The following STX11 variants were observed in gnomAD, a reference collection of about 807,000 sequenced individuals.
STX11 encodes syntaxin-11.
In STX11, 21 loss-of-function variants were observed where a neutral mutation model predicts 19.9. That is an observed-to-expected ratio of 1.06 (90% CI 0.75 to 1.52). STX11 has a LOEUF of 1.52. Among genes scored for constraint, STX11 ranks in the 40% most tolerant of loss-of-function variants. The probability of loss-of-function intolerance (pLI) is 0.00; values close to 1 mark genes in which losing one functional copy is unlikely to be tolerated. For missense variants in STX11, 438 were observed against 405.9 expected, an observed-to-expected ratio of 1.08 and a Z score of -0.68; for synonymous variants, 193 against 174.4, an observed-to-expected ratio of 1.11 and a Z score of -0.84.
Position 144,159,254 on chromosome 6 carries a change from A to T in STX11, c.-6+8551A>T, listed in dbSNP as rs867270574. ...CACAACAGGTACAGCTCCTGACCCT[A>T]TGAAGCTTATGGGCAAGCAGAGAAG... On this transcript the variant is annotated intron_variant, in intron 1 of 1. Transcript: ENST00000367568. This position sits in a 1 kb window ranked among gnomAD's most constrained non-coding sequence, Gnocchi z 4.3. Among the ~76,000 whole-genome samples the T allele has an allele frequency of 6.6e-6, 1 of 152,216 alleles. No individual in the cohort carries two copies. Among genetic ancestry groups the T allele is most frequent in the African/African-American group, 2.4e-5 (1 of 41,450 alleles).
At chr6:144,144,682 T>C in the STX11 span, among the ~76,000 whole-genome samples, 2 of 152,362 alleles carry the variant, frequency 1.3e-5, no homozygotes. Context: ...TATTTAATTT[T>C]AATTAATTTA....
chr6:144,150,020 C>T (rs555637004), upstream of STX11, among the ~76,000 whole-genome samples: 97 of 152,246 alleles, frequency 6.4e-4, no homozygotes, highest in African/African-American at 2.3e-3. Flanking sequence ...AGAGGTTGGT[C>T]GGCAGGGTTC....
rs1801297072 is a variant in STX11 at position 144,160,142 on chromosome 6, A to G, written c.-6+9439A>G. ...CTCAGCTTCCTAAGTAGCTAGGACT[A>G]CAGGTGTGCACCACCACACCCAGCT... is the stretch of plus-strand genomic sequence containing the variant. On this transcript the variant is annotated intron_variant, in intron 1 of 1. Coordinates refer to ENST00000367568, the MANE Select transcript of STX11 (RefSeq NM_003764.4). This position sits in a 1 kb window ranked among gnomAD's most constrained non-coding sequence, Gnocchi z 4.3. Among the ~76,000 whole-genome samples the G allele has an allele frequency of 1.3e-5, 2 of 152,140 alleles. No homozygotes were observed. Among genetic ancestry groups the G allele is most frequent in the African/African-American group, 2.4e-5 (1 of 41,424 alleles).
Position 144,183,697 on chromosome 6 carries a change from GAACAATAAT to G in STX11, c.-5-2924_-5-2916del, listed in dbSNP as rs1485622475. ...AAGCTGAGAGAGGTCTCAAGACCCT[GAACAATAAT>G]ACTGATTTTATTATTTTATCTTATT... On this transcript the variant is annotated intron_variant, in intron 1 of 1. Coordinates refer to ENST00000367568, the MANE Select transcript of STX11 (RefSeq NM_003764.4). This position sits in a 1 kb window ranked among gnomAD's most constrained non-coding sequence, Gnocchi z 4.6. Among the ~76,000 whole-genome samples, 1 of 152,142 alleles carries G rather than the reference GAACAATAAT, an allele frequency of 6.6e-6. No individual in the cohort carries two copies. Among genetic ancestry groups the G allele is most frequent in the Non-Finnish European group, 1.5e-5 (1 of 68,032 alleles).
At chr6:144,144,361 C>A in the STX11 span, among the ~76,000 whole-genome samples, 1 of 152,144 alleles carries the variant, frequency 6.6e-6, no homozygotes, top group Non-Finnish European at 1.5e-5. Flanking sequence ...CACAGAGCAG[C>A]CATTGAGGTA....
chr6:144,171,051 G>A (rs1243779928), intron 1 of STX11, among the ~76,000 whole-genome samples: 1 of 152,168 alleles, frequency 6.6e-6, no homozygotes, highest in Non-Finnish European at 1.5e-5. Context: ...ATTAAGAATT[G>A]CACTCATCTG....
At chr6:144,178,323 A>G (rs1297427237) in intron 1 of STX11, among the ~76,000 whole-genome samples, 4 of 152,246 alleles carry the variant, frequency 2.6e-5, no homozygotes, top group Non-Finnish European at 5.9e-5. Context: ...ATACCTGCCC[A>G]TTGCTGAGTA....
At position 144,174,113 on chromosome 6, in the gene STX11, C is replaced by G. The variant is rs905480496; in HGVS notation, c.-5-12510C>G. Among the ~76,000 whole-genome samples the G allele has an allele frequency of 1.5e-4, 23 of 152,202 alleles. No individual in the cohort carries two copies. The highest frequency in any genetic ancestry group is 3.2e-4 in the Non-Finnish European group (22 of 68,036). ...AGGTTAGCTGGTGGTTGTGCTCAGC[C>G]TCGAGTACTGCTCAGCTGGGCATCA... On this transcript the variant is annotated intron_variant, in intron 1 of 1. Transcript: ENST00000367568. This position sits in a 1 kb window ranked among gnomAD's most constrained non-coding sequence, Gnocchi z 5.3.
intron 1 of STX11, among the ~76,000 whole-genome samples, chr6:144,171,841 A>C (rs558292524): frequency 6.6e-6 from 1 of 152,200 alleles, no homozygotes; most frequent in African/African-American, 2.4e-5. Context: ...TACGCTTTAT[A>C]TTAACTTTTA....
chr6:144,186,503 T>C (rs979635241), intron 1 of STX11, 120 bp from the exon 2 acceptor site: 10 of 1,244,786 alleles, frequency 8.0e-6, no homozygotes, highest in Admixed American at 3.8e-5. Flanking sequence ...AGTGCACTTA[T>C]TGCCCACACC....
chr6:144,168,231 A>C (rs1292876954), intron 1 of STX11, among the ~76,000 whole-genome samples: 1 of 152,214 alleles, frequency 6.6e-6, no homozygotes, highest in Non-Finnish European at 1.5e-5. Context: ...GCCTTTTCAA[A>C]TATTTCCTCC....
chr6:144,149,008 A>G (rs1800929649), upstream of STX11, among the ~76,000 whole-genome samples: 1 of 152,220 alleles, frequency 6.6e-6, no homozygotes, highest in African/African-American at 2.4e-5. This position sits in a 1 kb window ranked among gnomAD's most constrained non-coding sequence, Gnocchi z 5.1. Flanking sequence ...GACTGAGGTT[A>G]TGGTTTTCCA....
In STX11 at chr6:144,187,327, C is replaced by T; in HGVS notation, c.700C>T (p.Leu234=). The change falls in exon 2 of 2, where the codon CTG becomes TTG. Residue 234 remains leucine, a synonymous_variant. Transcript: ENST00000367568. The surrounding 1 kb of genome is among the most constrained non-coding windows in gnomAD (Gnocchi z 5.6). The part of the protein sequence containing the change: ...VHELFLQMAV[L]VEKQADTLNV... ...CGAGCTCTTCTTGCAGATGGCGGTG[C>T]TGGTGGAGAAGCAGGCCGACACCCT... is the stretch of plus-strand genomic sequence containing the variant. 2 of 1,611,152 alleles carry T rather than the reference C, an allele frequency of 1.2e-6. No individual in the cohort carries two copies. The highest frequency in any genetic ancestry group is 1.7e-5 in the Admixed American group (1 of 60,034).
the STX11 span, chr6:144,140,626 T>C: frequency 1.2e-5 from 5 of 415,394 alleles, no homozygotes; most frequent in Non-Finnish European, 1.6e-5. Flanking sequence ...TTCAGGGTCA[T>C]GGAAGGTTGC....
Position 144,164,463 on chromosome 6 carries a change from C to G in STX11, c.-6+13760C>G, listed in dbSNP as rs1275629459. 3.9e-5 allele frequency among the ~76,000 whole-genome samples: 6 copies of G among 152,164 alleles called. 1 individual carries two copies. ...TACTGATAGTCTATTCACAAGAGAACAAATTACATTATTCTTTAGCTACAG... is the reference window on the plus strand; with the variant it reads ...TACTGATAGTCTATTCACAAGAGAAGAAATTACATTATTCTTTAGCTACAG... On this transcript the variant is annotated intron_variant, in intron 1 of 1. Coordinates refer to ENST00000367568, the MANE Select transcript of STX11 (RefSeq NM_003764.4).
chr6:144,145,906 C>T (rs1176868384), upstream of STX11, among the ~76,000 whole-genome samples: 1 of 152,138 alleles, frequency 6.6e-6, no homozygotes, highest in Non-Finnish European at 1.5e-5. Context: ...GTGAACGTAC[C>T]TGTATTTAAT....
chr6:144,170,614 A>C lies in STX11; in HGVS notation c.-5-16009A>C, dbSNP rs1429026368. 3.3e-5 allele frequency among the ~76,000 whole-genome samples: 5 copies of C among 152,154 alleles called. No homozygotes were observed. The highest frequency in any genetic ancestry group is 7.3e-5 in the Non-Finnish European group (5 of 68,038). ...CTGTATTATTATTATTATATTTTACAAAGAGCATGGGTTGCTTTCATAATC... is the reference window on the plus strand; with the variant it reads ...CTGTATTATTATTATTATATTTTACCAAGAGCATGGGTTGCTTTCATAATC... On this transcript the variant is annotated intron_variant, in intron 1 of 1. Coordinates refer to ENST00000367568, the MANE Select transcript of STX11 (RefSeq NM_003764.4). The surrounding 1 kb of genome is among the most constrained non-coding windows in gnomAD (Gnocchi z 4.7).
In STX11 at chr6:144,169,745, G is replaced by A. The variant is rs900504288; in HGVS notation, c.-5-16878G>A. 6.6e-6 allele frequency among the ~76,000 whole-genome samples: 1 copy of A among 150,488 alleles called. No homozygotes were observed. Among genetic ancestry groups the A allele is most frequent in the Non-Finnish European group, 1.5e-5 (1 of 67,748 alleles). ...CTGTCACCCAGGCTGGAGTGCAGTG[G>A]CACAATCATAGCTCACTGCAGCCTC... is the stretch of plus-strand genomic sequence containing the variant. On this transcript the variant is annotated intron_variant, in intron 1 of 1. Transcript: ENST00000367568. The surrounding 1 kb of genome is among the most constrained non-coding windows in gnomAD (Gnocchi z 5.2).
Position 144,160,005 on chromosome 6 carries a change from T to G in STX11, c.-6+9302T>G, listed in dbSNP as rs1217089081. On this transcript the variant is annotated intron_variant, in intron 1 of 1. Coordinates refer to ENST00000367568, the MANE Select transcript of STX11 (RefSeq NM_003764.4). This position sits in a 1 kb window ranked among gnomAD's most constrained non-coding sequence, Gnocchi z 4.3. ...TCTCCTTTTCTGGCCAGTTCTTGTT[T>G]TTTAAAAAAATATTATGATTTTTGA... 6.6e-6 allele frequency among the ~76,000 whole-genome samples: 1 copy of G among 152,102 alleles called. No individual in the cohort carries two copies. The highest frequency in any genetic ancestry group is 2.4e-5 in the African/African-American group (1 of 41,388).
Sources: allele counts gnomAD v4.1 joint callset (sites outside exome capture counted in the v4.1 genomes callset), GRCh38; gene constraint gnomAD v4.1.1; non-coding constraint Gnocchi (gnomAD v3.1); transcripts MANE v1.5; gene names NCBI Gene and HGNC (gene_info 2026-07-23, HGNC 2026-07-21).